Variants in ARHGAP21 observed in about 807,000 individuals in gnomAD.
The protein encoded by ARHGAP21 is rho GTPase-activating protein 21.
ARHGAP21 carries 38 observed loss-of-function variants against 164.6 expected under a neutral mutation model. The ratio of observed to expected loss-of-function variants is 0.23; its 90% CI spans 0.18 to 0.30. The LOEUF (loss-of-function observed/expected upper bound fraction) is 0.30, where lower values mean the gene tolerates loss of function less well. Ranked by LOEUF, ARHGAP21 falls within the 10% of genes least tolerant of loss-of-function variation. ARHGAP21 has a pLI of 1.00. For missense variants in ARHGAP21, 1,822 were observed against 2,370.7 expected, an observed-to-expected ratio of 0.77 and a Z score of 4.81; for synonymous variants, 766 against 857.9, an observed-to-expected ratio of 0.89 and a Z score of 1.87.
intron 11 of ARHGAP21, among the ~76,000 whole-genome samples, chr10:24,606,594 T>C (rs780275726): frequency 1.1e-4 from 16 of 152,122 alleles, no homozygotes; most frequent in Non-Finnish European, 7.4e-5. Context: ...ACAATAGATA[T>C]TAAAATTAAA....
chr10:24,704,140 A>ATCC (rs1843977560), intron 2 of ARHGAP21, among the ~76,000 whole-genome samples: 1 of 152,246 alleles, frequency 6.6e-6, no homozygotes, highest in African/African-American at 2.4e-5. Flanking sequence ...CCTGACTGTG[A>ATCC]TCCACTCACT....
At chr10:24,590,710 G>A (rs998610693) in intron 24 of ARHGAP21, 53 of 985,134 alleles carry the variant, frequency 5.4e-5, no homozygotes, top group Non-Finnish European at 6.1e-5. Context: ...AAATAGGCTG[G>A]CTTTTTACTG....
At chr10:24,591,173 G>GTT in intron 24 of ARHGAP21, 52 bp downstream of exon 24, 1 of 1,401,724 alleles carries the variant, frequency 7.1e-7, no homozygotes, top group Non-Finnish European at 9.9e-7. Flanking sequence ...CTTTCATATT[G>GTT]TAAGAATGTA....
At chr10:24,642,811 C>G (rs1837209205) in intron 4 of ARHGAP21, among the ~76,000 whole-genome samples, 1 of 152,174 alleles carries the variant, frequency 6.6e-6, no homozygotes, top group Non-Finnish European at 1.5e-5. Flanking sequence ...TATTCAAGTT[C>G]AGTAAGTTCA....
intron 2 of ARHGAP21, among the ~76,000 whole-genome samples, chr10:24,681,802 G>A (rs139544083): frequency 6.6e-6 from 1 of 152,240 alleles, no homozygotes; most frequent in East Asian, 1.9e-4. Flanking sequence ...CAGCCACGTG[G>A]CTTTTTATTG....
chr10:24,667,040 G>A (rs751257591), intron 3 of ARHGAP21, 31 bp from the exon 4 acceptor site: 6 of 1,161,270 alleles, frequency 5.2e-6, no homozygotes, highest in Admixed American at 5.0e-5. Flanking sequence ...ATACATATAT[G>A]AGTACATATT....
intron 2 of ARHGAP21, among the ~76,000 whole-genome samples, chr10:24,710,441 G>A (rs1056951352): frequency 1.3e-5 from 2 of 152,092 alleles, no homozygotes; most frequent in African/African-American, 4.8e-5. Context: ...AGTAGGTGAG[G>A]TCAGCCTGCT....
chr10:24,622,478 A>G (rs1381023130), intron 8 of ARHGAP21, among the ~76,000 whole-genome samples: 3 of 131,986 alleles, frequency 2.3e-5, no homozygotes, highest in Non-Finnish European at 4.8e-5. Flanking sequence ...ATATATATAT[A>G]TATATATACT....
At chr10:24,621,475 G>T in intron 8 of ARHGAP21, 106 bp from the exon 9 acceptor site, 1 of 1,005,362 alleles carries the variant, frequency 9.9e-7, no homozygotes, top group Non-Finnish European at 1.4e-6. Context: ...GTTCCTGAGT[G>T]ACATTCACTA....
At chr10:24,704,829 C>T (rs1844072718) in intron 2 of ARHGAP21, among the ~76,000 whole-genome samples, 1 of 152,062 alleles carries the variant, frequency 6.6e-6, no homozygotes, top group Admixed American at 6.5e-5. Context: ...TGCTCTCGAA[C>T]TCCTGGGCTC....
intron 4 of ARHGAP21, among the ~76,000 whole-genome samples, chr10:24,661,734 A>G (rs1250462329): frequency 2.0e-4 from 30 of 152,268 alleles, no homozygotes; most frequent in Non-Finnish European, 1.5e-5. Flanking sequence ...ATGAGACAGT[A>G]AGATAAAAAT....
rs746785139 is a variant in ARHGAP21, at chr10:24,586,047, A to G, written c.4242T>C (p.Phe1414=). ...TCTTCCTCTTGCGACTAGCAGCTGC[A>G]AAGATGGAGGACACAAGCAGTTCCC... ...YSRELLVSSI[F]AAASRKRKKP... is the part of the protein sequence containing the mutation. The change falls in exon 26 of 26, where the codon TTT becomes TTC. Residue 1414 remains phenylalanine (F), a synonymous_variant. Transcript: ENST00000396432. 1.7e-5 allele frequency: 27 copies of G among 1,613,924 alleles called. No individual in the cohort carries two copies. The highest frequency in any genetic ancestry group is 2.3e-5 in the Non-Finnish European group (27 of 1,180,020).
intron 2 of ARHGAP21, among the ~76,000 whole-genome samples, chr10:24,702,851 A>G (rs145485433): frequency 1.9e-4 from 29 of 152,326 alleles, no homozygotes; most frequent in African/African-American, 6.7e-4. Context: ...TTCACCTCTA[A>G]GACTGTATCC....
chr10:24,670,348 G>A lies in ARHGAP21; in HGVS notation c.113C>T (p.Ser38Phe). The change falls in exon 3 of 26, where the codon TCT (serine) becomes TTT (phenylalanine). Residue 38 changes from serine (S) to phenylalanine (F), a missense_variant. Around this residue, in one of 5 missense-constraint regions of ARHGAP21, gnomAD observed 1,090 missense variants for 1,378.9 expected, o/e 0.79. Coordinates refer to ENST00000396432, the MANE Select transcript of ARHGAP21 (RefSeq NM_020824.4). ...TGGCCAGGAGAATGTTTCATCTTCA[G>A]ACAGTGATACAGTTTCACTTTGTTC... ...GKEQSETVSL[S>F]EDETFSWPGP... 1 of 1,608,996 alleles carries A rather than the reference G, an allele frequency of 6.2e-7. No homozygotes were observed. The highest frequency in any genetic ancestry group is 8.5e-7 in the Non-Finnish European group (1 of 1,176,980).
intron 3 of ARHGAP21, among the ~76,000 whole-genome samples, chr10:24,668,991 G>A (rs1840453536): frequency 6.6e-6 from 1 of 152,122 alleles, no homozygotes. Flanking sequence ...TAATGCGTAA[G>A]TAACACTATT....
At chr10:24,599,090 G>A (rs903154387) in intron 14 of ARHGAP21, among the ~76,000 whole-genome samples, 2 of 152,210 alleles carry the variant, frequency 1.3e-5, no homozygotes, top group African/African-American at 2.4e-5. Context: ...CTTAAGATTA[G>A]ATGGTGATGC....
intron 2 of ARHGAP21, among the ~76,000 whole-genome samples, chr10:24,688,060 G>T (rs185331019): frequency 1.5e-4 from 23 of 152,332 alleles, no homozygotes; most frequent in Non-Finnish European, 3.2e-4. Context: ...CAATTTCAAA[G>T]AATTTTATAG....
chr10:24,597,618 G>A (rs575631961), intron 15 of ARHGAP21, 35 bp from the exon 16 acceptor site: 5 of 1,611,312 alleles, frequency 3.1e-6, no homozygotes, highest in East Asian at 2.2e-5. Flanking sequence ...AACAATTACA[G>A]TAATCCCCCT....
At chr10:24,694,549 G>A (rs2132047813) in intron 2 of ARHGAP21, among the ~76,000 whole-genome samples, 1 of 152,300 alleles carries the variant, frequency 6.6e-6, no homozygotes, top group South Asian at 2.1e-4. Context: ...TCCCTGGTAG[G>A]CAGTATTTCA....
Sources: gnomAD v4.1 joint callset for allele counts (sites outside exome capture counted in the v4.1 genomes callset) on GRCh38, gnomAD v4.1.1 for gene constraint, gnomAD v4.1.1 regional missense constraint, MANE v1.5 for transcripts, NCBI Gene and HGNC (gene_info 2026-07-23, HGNC 2026-07-21) for gene names.